Variants in PTPRT observed in about 807,000 individuals in gnomAD.
The protein encoded by PTPRT is receptor-type tyrosine-protein phosphatase T.
Under a neutral mutation model 176.8 loss-of-function variants are expected in PTPRT, and 56 were observed. The observed-to-expected ratio is 0.32, with a 90% CI of 0.26 to 0.40. The LOEUF (loss-of-function observed/expected upper bound fraction) is 0.40. PTPRT is among the 10% of genes least tolerant of loss of function. The probability of loss-of-function intolerance (pLI) is 1.00; values close to 1 mark genes in which losing one functional copy is unlikely to be tolerated. For missense variants in PTPRT, 1,540 were observed against 1,908.2 expected, an observed-to-expected ratio of 0.81 and a Z score of 3.60; for synonymous variants, 783 against 739.0, an observed-to-expected ratio of 1.06 and a Z score of -0.96.
Position 43,189,572 on chromosome 20 carries a change from G to A in PTPRT, c.88+74C>T, listed in dbSNP as rs2015486503. On this transcript the variant is annotated intron_variant, in intron 1 of 30. Transcript: ENST00000373187. The surrounding 1 kb of genome is among the most constrained non-coding windows in gnomAD (Gnocchi z 5.0). ...AGCCCACACAACTTTCTCCTCCGAG[G>A]GCCCCGCGGCTGGGGGCCCGCGCGC... The A allele has an allele frequency of 1.2e-5, 12 of 1,012,694 alleles. No individual in the cohort carries two copies. The highest frequency in any genetic ancestry group is 1.7e-5 in the African/African-American group (1 of 59,902). 62.7% of individuals were successfully genotyped at this position (1,012,694 alleles called of 1,614,324 possible).
chr20:42,546,949 G>A (rs2072686771), intron 7 of PTPRT, among the ~76,000 whole-genome samples: 2 of 152,030 alleles, frequency 1.3e-5, no homozygotes, highest in Non-Finnish European at 2.9e-5. Context: ...TAATGAAAAC[G>A]TTTGAAATAT....
In PTPRT at chr20:42,889,469, T is replaced by C. The variant is rs2079155965; in HGVS notation, c.89-3537A>G. ...AGAATATTCAGGCCCCACTGTCAAT[T>C]CTATTCCACTCTGCCAGGATTTGTC... On this transcript the variant is annotated intron_variant, in intron 1 of 30. Transcript: ENST00000373187. Among the ~76,000 whole-genome samples, 6 of 152,246 alleles carry C rather than the reference T, an allele frequency of 3.9e-5. No individual in the cohort carries two copies. In the South Asian group the frequency reaches 1.2e-3, roughly 31 times the overall value.
At position 42,263,706 on chromosome 20, in the gene PTPRT, G is replaced by A. The variant is rs755270329; in HGVS notation, c.2177-14884C>T. Among the ~76,000 whole-genome samples, 14 of 141,398 alleles carry A rather than the reference G, an allele frequency of 9.9e-5. 1 individual carries two copies. Among genetic ancestry groups the A allele is most frequent in the South Asian group, 6.7e-4 (3 of 4,476 alleles). 92.8% of individuals were successfully genotyped at this position (141,398 alleles called of 152,430 possible). A position where few individuals can be genotyped will look rare whatever the true frequency, so the allele number is the denominator to read the frequency against. On this transcript the variant is annotated intron_variant, in intron 13 of 30. Coordinates refer to ENST00000373187, the MANE Select transcript of PTPRT (RefSeq NM_007050.6). Reference sequence around the variant, plus strand: ...TTTTTTTTTTTTTAACTTTACTTTCGTAGAGACATGGTCTCACTATATTGC... The same window carrying A: ...TTTTTTTTTTTTTAACTTTACTTTCATAGAGACATGGTCTCACTATATTGC...
At chr20:42,948,403 G>A (rs1201134252) in intron 1 of PTPRT, among the ~76,000 whole-genome samples, 2 of 152,166 alleles carry the variant, frequency 1.3e-5, no homozygotes, top group African/African-American at 4.8e-5. Flanking sequence ...ACATATCTCA[G>A]AGTTGGCTTC....
At chr20:42,972,144 A>G (rs538373462) in intron 1 of PTPRT, among the ~76,000 whole-genome samples, 23 of 144,214 alleles carry the variant, frequency 1.6e-4, no homozygotes, top group African/African-American at 5.6e-4. Context: ...ATGGAATGCC[A>G]TGCCTCCCCT....
chr20:42,624,414 T>C (rs1168324447), intron 7 of PTPRT, among the ~76,000 whole-genome samples: 2 of 152,194 alleles, frequency 1.3e-5, no homozygotes, highest in African/African-American at 4.8e-5. Flanking sequence ...GAACATAAGG[T>C]TAGAACAGCA....
rs765286762 is a variant in PTPRT, at chr20:42,085,856, G to A, written c.3847-3C>T. ...TCAGGCCAGTACTGCATACAGAACT[G>A]AGATAAGGAAAGAGGTCACAGAAGG... On this transcript the variant is annotated splice_polypyrimidine_tract_variant and splice_region_variant and intron_variant, in intron 27 of 30. Transcript: ENST00000373187. 9.9e-6 allele frequency: 16 copies of A among 1,611,046 alleles called. No individual in the cohort carries two copies. In the East Asian group the frequency reaches 3.3e-4, roughly 34 times the overall value.
In PTPRT at chr20:43,083,343, T is replaced by TATATATATATATAC. The variant is rs1568774045; in HGVS notation, c.88+106302_88+106303insGTATATATATATAT. On this transcript the variant is annotated intron_variant, in intron 1 of 30. Coordinates refer to ENST00000373187, the MANE Select transcript of PTPRT (RefSeq NM_007050.6). ...ATGTATATATATATATATATATATA[T>TATATATATATATAC]ATATATATATATATATATATATATA... 2.4e-3 allele frequency among the ~76,000 whole-genome samples: 276 copies of TATATATATATATAC among 115,306 alleles called. 13 individuals carry two copies. Among genetic ancestry groups the TATATATATATATAC allele is most frequent in the Middle Eastern group, 8.1e-3 (2 of 246 alleles). The allele number at this position is 115,306 out of a possible 152,430, so 75.6% of individuals were successfully genotyped here. A position where few individuals can be genotyped will look rare whatever the true frequency, so the allele number is the denominator to read the frequency against.
chr20:42,337,667 G>C (rs2058059168), intron 11 of PTPRT, among the ~76,000 whole-genome samples: 1 of 152,144 alleles, frequency 6.6e-6, no homozygotes, highest in African/African-American at 2.4e-5. Context: ...TTTACTCCTA[G>C]AGTTTCTGAT....
At chr20:42,538,481 C>T (rs1038762105) in intron 7 of PTPRT, among the ~76,000 whole-genome samples, 2 of 152,162 alleles carry the variant, frequency 1.3e-5, no homozygotes, top group Non-Finnish European at 2.9e-5. Flanking sequence ...TAAACACAAG[C>T]ATGTAAAAGC....
intron 1 of PTPRT, among the ~76,000 whole-genome samples, chr20:43,045,455 A>T (rs1481145656): frequency 7.4e-4 from 94 of 127,182 alleles, no homozygotes; most frequent in Middle Eastern, 4.2e-3. Context: ...TCTTTTTTTC[A>T]TTTTTTTTTT....
At chr20:42,783,161 A>C (rs1185120618) in intron 3 of PTPRT, among the ~76,000 whole-genome samples, 1 of 152,190 alleles carries the variant, frequency 6.6e-6, no homozygotes, top group African/African-American at 2.4e-5. Flanking sequence ...AATTCACTAC[A>C]ACTAGAAATT....
intron 1 of PTPRT, among the ~76,000 whole-genome samples, chr20:42,906,958 C>T (rs1052112224): frequency 3.3e-5 from 5 of 151,988 alleles, no homozygotes; most frequent in African/African-American, 9.7e-5. Flanking sequence ...TCAAAATTAC[C>T]GCATCTAACA....
intron 1 of PTPRT, among the ~76,000 whole-genome samples, chr20:42,936,407 T>C (rs530411193): frequency 6.6e-6 from 1 of 151,902 alleles, no homozygotes; most frequent in South Asian, 2.1e-4. Flanking sequence ...GTGACAAGAG[T>C]AGTAGGAATA....
At chr20:43,031,354 G>C (rs979077664) in intron 1 of PTPRT, among the ~76,000 whole-genome samples, 2 of 152,148 alleles carry the variant, frequency 1.3e-5, no homozygotes, top group African/African-American at 4.8e-5. Flanking sequence ...ACAACAACTT[G>C]CCTTCCACCA....
At chr20:42,752,767 G>A (rs531152896) in intron 6 of PTPRT, among the ~76,000 whole-genome samples, 3 of 152,046 alleles carry the variant, frequency 2.0e-5, no homozygotes, top group African/African-American at 4.8e-5. Flanking sequence ...TCCTGGCTCC[G>A]CAAAGGCAAA....
At chr20:42,086,851 G>A (rs1198694667) in intron 27 of PTPRT, among the ~76,000 whole-genome samples, 1 of 147,002 alleles carries the variant, frequency 6.8e-6, no homozygotes, top group African/African-American at 2.5e-5. Flanking sequence ...TTTTCTCATA[G>A]GTAAAGTGGG....
intron 1 of PTPRT, among the ~76,000 whole-genome samples, chr20:43,045,487 T>C (rs1381666666): frequency 6.8e-6 from 1 of 147,022 alleles, no homozygotes. Flanking sequence ...ACAGTCTCGC[T>C]CTGTCACCTA....
In PTPRT at chr20:42,285,727, GA is replaced by G. The variant is rs963913251; in HGVS notation, c.2140-3203del. Among the ~76,000 whole-genome samples the G allele has an allele frequency of 2.8e-3, 409 of 146,464 alleles. 1 individual carries two copies. Among genetic ancestry groups the G allele is most frequent in the African/African-American group, 9.5e-3 (382 of 40,102 alleles). ...GAAAAATTTAAGGGCATCCAAATTG[GA>G]AAAAAAAAAGTCAAACTGTCTCTGT... On this transcript the variant is annotated intron_variant, in intron 12 of 30. Transcript: ENST00000373187.
Sources: allele counts gnomAD v4.1 joint callset (sites outside exome capture counted in the v4.1 genomes callset), GRCh38; gene constraint gnomAD v4.1.1; non-coding constraint Gnocchi (gnomAD v3.1); transcripts MANE v1.5; gene names NCBI Gene and HGNC (gene_info 2026-07-23, HGNC 2026-07-21).